The following KMT2C variants were observed in gnomAD, a reference collection of about 807,000 sequenced individuals.
KMT2C encodes histone-lysine N-methyltransferase 2C.
A neutral mutation model predicts 507.9 loss-of-function variants in KMT2C; 88 were observed. The observed-to-expected ratio is 0.17, with a 90% CI of 0.15 to 0.21. The LOEUF is 0.21. KMT2C is among the 10% of genes least tolerant of loss of function. The pLI is 1.00. For synonymous variants in KMT2C, 2,049 were observed against 2,080.8 expected, an observed-to-expected ratio of 0.98 and a Z score of 0.42; for missense variants, 4,954 against 5,957.8, an observed-to-expected ratio of 0.83 and a Z score of 5.55.
At chr7:152,421,367 C>T (rs1009700222) in intron 1 of KMT2C, among the ~76,000 whole-genome samples, 1 of 152,192 alleles carries the variant, frequency 6.6e-6, no homozygotes, top group African/African-American at 2.4e-5. Context: ...AACTACCATT[C>T]AATCCAGGTA....
At chr7:152,317,705 G>A (rs1472896217) in intron 3 of KMT2C, among the ~76,000 whole-genome samples, 1 of 152,210 alleles carries the variant, frequency 6.6e-6, no homozygotes, top group Non-Finnish European at 1.5e-5. Context: ...CTCATTAGAT[G>A]TCACGCACTA....
Position 152,435,819 on chromosome 7 carries a change from T to A in KMT2C, c.-33A>T, listed in dbSNP as rs1383396884. 2.8e-5 allele frequency: 32 copies of A among 1,152,918 alleles called. No individual in the cohort carries two copies. Among genetic ancestry groups the A allele is most frequent in the Non-Finnish European group, 3.5e-5 (32 of 920,860 alleles). 71.4% of individuals were successfully genotyped at this position (1,152,918 alleles called of 1,614,324 possible). On this transcript the variant is annotated 5_prime_UTR_variant, in exon 1 of 59. Coordinates refer to ENST00000262189, the MANE Select transcript of KMT2C (RefSeq NM_170606.3). ...ACCAGGAAAGACACATGGATCCCGG[T>A]CCTCCTCCTGGGGGGCTCCCGCCGC...
intron 6 of KMT2C, among the ~76,000 whole-genome samples, chr7:152,277,875 TA>T (rs1228552208): frequency 6.6e-6 from 1 of 152,222 alleles, no homozygotes; most frequent in East Asian, 1.9e-4. Context: ...GTAAATAGGT[TA>T]AATTCTCTAG....
chr7:152,147,471 G>A (rs55924535), intron 52 of KMT2C, among the ~76,000 whole-genome samples: 21,163 of 151,786 alleles, frequency 0.14, 1,529 homozygotes, highest in South Asian at 0.17. Flanking sequence ...ATCACCTGAG[G>A]TCAGGAGTTT....
At position 152,154,394 on chromosome 7, in the gene KMT2C, T is replaced by C; in HGVS notation, c.12012A>G (p.Ser4004=). Residue 4004 remains serine, a synonymous_variant, in exon 47 of 59, where the codon TCA becomes TCG. Transcript: ENST00000262189. ...DRDTPDSFVP[S]SSPESVVGVE... ...CCCCAACCACACTCTCAGGAGAGGA[T>C]GAGGGAACAAAACTGTCAGGAGTAT... 6.2e-7 allele frequency: 1 copy of C among 1,614,028 alleles called. No homozygotes were observed. Among genetic ancestry groups the C allele is most frequent in the Non-Finnish European group, 8.5e-7 (1 of 1,179,994 alleles).
chr7:152,345,129 T>A (rs1490734822), intron 2 of KMT2C, among the ~76,000 whole-genome samples: 2 of 150,140 alleles, frequency 1.3e-5, no homozygotes, highest in Admixed American at 6.6e-5. Flanking sequence ...ATATCAACAA[T>A]CACTCTAAAG....
intron 6 of KMT2C, among the ~76,000 whole-genome samples, chr7:152,297,870 T>C (rs1451470364): frequency 6.6e-5 from 10 of 152,116 alleles, no homozygotes; most frequent in South Asian, 2.1e-4. Flanking sequence ...AGAACTTAAA[T>C]AGATGTTAAA....
At chr7:152,326,996 G>T (rs2096834968) in intron 3 of KMT2C, among the ~76,000 whole-genome samples, 1 of 152,200 alleles carries the variant, frequency 6.6e-6, no homozygotes, top group Non-Finnish European at 1.5e-5. Flanking sequence ...TCGGAGCTTG[G>T]AATAAACACC....
At position 152,331,234 on chromosome 7, in the gene KMT2C, T is replaced by C. The variant is rs574379910; in HGVS notation, c.251-495A>G. ...GAGATGGAAGGATATGCCTTGAACC[T>C]GGGAGCCAGAGGCTGCAGTGAGCTG... is the stretch of plus-strand genomic sequence containing the variant. On this transcript the variant is annotated intron_variant, in intron 2 of 58. Transcript: ENST00000262189. Among the ~76,000 whole-genome samples, 4 of 151,786 alleles carry C rather than the reference T, an allele frequency of 2.6e-5. No individual in the cohort carries two copies. In the East Asian group the frequency reaches 7.8e-4, roughly 29 times the overall value.
At chr7:152,191,225 G>GT (rs2129127114) in intron 31 of KMT2C, among the ~76,000 whole-genome samples, 1 of 152,232 alleles carries the variant, frequency 6.6e-6, no homozygotes, top group South Asian at 2.1e-4. Flanking sequence ...GCAACTGCCT[G>GT]TAAGTCAAAA....
rs1044217423 is a variant in KMT2C, at chr7:152,361,317, T to C, written c.162-2642A>G. On this transcript the variant is annotated intron_variant, in intron 1 of 58. Transcript: ENST00000262189. ...GGCTCACGCCTGTAATCCCAGCACT[T>C]TGGGAGGCTGAGGTGGGTGGATCAC... Among the ~76,000 whole-genome samples, 11 of 152,224 alleles carry C rather than the reference T, an allele frequency of 7.2e-5. No individual in the cohort carries two copies. The East Asian group carries it at 1.3e-3, about 19-fold the overall frequency.
chr7:152,390,723 T>A lies in KMT2C; in HGVS notation c.162-32048A>T, dbSNP rs575721307. On this transcript the variant is annotated intron_variant, in intron 1 of 58. Transcript: ENST00000262189. Reference sequence around the variant, plus strand: ...CTCAAACCCAAGTTCATGTCTTAAATCCCATGCCGTTTGATATTAAGGACC... The same window carrying A: ...CTCAAACCCAAGTTCATGTCTTAAAACCCATGCCGTTTGATATTAAGGACC... 7.2e-5 allele frequency among the ~76,000 whole-genome samples: 11 copies of A among 152,220 alleles called. No individual in the cohort carries two copies. In the South Asian group the frequency reaches 2.3e-3, roughly 32 times the overall value.
intron 1 of KMT2C, among the ~76,000 whole-genome samples, chr7:152,433,244 T>A (rs1399836735): frequency 6.6e-6 from 1 of 152,236 alleles, no homozygotes; most frequent in African/African-American, 2.4e-5. Context: ...TCTATGAGAT[T>A]TAGCAAAGAA....
chr7:152,248,944 AAAAGT>A (rs2095519123), intron 13 of KMT2C, among the ~76,000 whole-genome samples: 1 of 152,204 alleles, frequency 6.6e-6, no homozygotes, highest in South Asian at 2.1e-4. Flanking sequence ...ACCTAAGTTA[AAAAGT>A]AAAGAGTGAT....
chr7:152,289,366 T>C (rs1409028360), intron 6 of KMT2C, among the ~76,000 whole-genome samples: 7 of 152,248 alleles, frequency 4.6e-5, no homozygotes, highest in African/African-American at 7.2e-5. Flanking sequence ...AAATCATTAA[T>C]GTTTTAAGTC....
rs879448465 is a variant in KMT2C at position 152,179,668 on chromosome 7, G to C, written c.7442+166C>G. Among the ~76,000 whole-genome samples, 26 of 143,694 alleles carry C rather than the reference G, an allele frequency of 1.8e-4. 1 individual carries two copies. The South Asian group carries it at 5.5e-3, about 31-fold the overall frequency. 94.3% of individuals were successfully genotyped at this position (143,694 alleles called of 152,430 possible). ...AATTTGTTGAAGAGGTTGGGGGGGG[G>C]GGGGGGTGGTCTCACTATATTGCCC... On this transcript the variant is annotated intron_variant, in intron 37 of 58. Transcript: ENST00000262189.
chr7:152,294,118 C>T (rs1364092003), intron 6 of KMT2C, among the ~76,000 whole-genome samples: 1 of 151,632 alleles, frequency 6.6e-6, no homozygotes, highest in Admixed American at 6.6e-5. Context: ...TATGTGCCTG[C>T]CTCAGCCTCC....
chr7:152,215,179 T>C (rs1480410419), intron 23 of KMT2C, among the ~76,000 whole-genome samples: 6 of 152,002 alleles, frequency 3.9e-5, no homozygotes, highest in Non-Finnish European at 7.4e-5. Context: ...CATACAACAT[T>C]ATAAATATAC....
rs533602954 is a variant in KMT2C at position 152,191,964 on chromosome 7, A to G, written c.4660+2045T>C. Among the ~76,000 whole-genome samples the G allele has an allele frequency of 7.9e-5, 12 of 152,258 alleles. No individual in the cohort carries two copies. In the South Asian group the frequency reaches 2.3e-3, roughly 29 times the overall value. ...ATTAGTTGTATACCTGAAAGTCTAC[A>G]GTATTAGAATTACAAACTCCTAAGG... On this transcript the variant is annotated intron_variant, in intron 31 of 58. Coordinates refer to ENST00000262189, the MANE Select transcript of KMT2C (RefSeq NM_170606.3).
Sources: gnomAD v4.1 joint callset for allele counts (sites outside exome capture counted in the v4.1 genomes callset) on GRCh38, gnomAD v4.1.1 for gene constraint, MANE v1.5 for transcripts, NCBI Gene and HGNC (gene_info 2026-07-23, HGNC 2026-07-21) for gene names.